The following SLC10A7 variants were observed in gnomAD, a reference collection of about 807,000 sequenced individuals.
SLC10A7 encodes the protein sodium/bile acid cotransporter 7.
Under a neutral mutation model 43.2 loss-of-function variants are expected in SLC10A7, and 29 were observed. The ratio of observed to expected loss-of-function variants is 0.67; its 90% confidence interval spans 0.50 to 0.92. SLC10A7 has a LOEUF of 0.92. Ranked by LOEUF, SLC10A7 falls within the 40% of genes least tolerant of loss-of-function variation. SLC10A7 has a pLI of 0.00. For synonymous variants in SLC10A7, 152 were observed against 144.8 expected, an observed-to-expected ratio of 1.05 and a Z score of -0.35; for missense variants, 295 against 403.2, an observed-to-expected ratio of 0.73 and a Z score of 2.30.
chr4:146,303,725 G>A (rs949687967), intron 7 of SLC10A7, among the ~76,000 whole-genome samples: 21 of 151,964 alleles, frequency 1.4e-4, no homozygotes, highest in African/African-American at 5.1e-4. Context: ...CTTGTTTCCT[G>A]TTTAGTATTT....
At chr4:146,297,374 T>C (rs1249254025) in intron 7 of SLC10A7, among the ~76,000 whole-genome samples, 1 of 152,182 alleles carries the variant, frequency 6.6e-6, no homozygotes, top group African/African-American at 2.4e-5. Flanking sequence ...GAGCCACATA[T>C]CAATTCCTGC....
chr4:146,323,646 T>C (rs947130168), intron 6 of SLC10A7, among the ~76,000 whole-genome samples: 5 of 152,136 alleles, frequency 3.3e-5, no homozygotes, highest in Non-Finnish European at 7.4e-5. Flanking sequence ...TATTTTGAAG[T>C]CAGGTAGCGT....
At chr4:146,270,151 A>G (rs1310649199) in intron 10 of SLC10A7, among the ~76,000 whole-genome samples, 1 of 152,176 alleles carries the variant, frequency 6.6e-6, no homozygotes. Context: ...TCTAACCTAG[A>G]TGATGTCCTG....
chr4:146,328,346 C>T (rs1446699653), intron 5 of SLC10A7, among the ~76,000 whole-genome samples: 1 of 152,156 alleles, frequency 6.6e-6, no homozygotes, highest in Non-Finnish European at 1.5e-5. Flanking sequence ...CTTGTGTGGA[C>T]TATTGGGAGG....
intron 5 of SLC10A7, among the ~76,000 whole-genome samples, chr4:146,362,050 AAATAAAAAAG>A (rs1414782048): frequency 6.6e-6 from 1 of 152,158 alleles, no homozygotes; most frequent in African/African-American, 2.4e-5. Flanking sequence ...AGAAAAGGAA[AAATAAAAAAG>A]AATAAAAAAG....
intron 5 of SLC10A7, among the ~76,000 whole-genome samples, chr4:146,391,367 A>C (rs1458412100): frequency 6.6e-6 from 1 of 152,208 alleles, no homozygotes; most frequent in African/African-American, 2.4e-5. Context: ...GAGCAGTCTG[A>C]ACTATGGGTT....
intron 5 of SLC10A7, among the ~76,000 whole-genome samples, chr4:146,422,069 A>G (rs184816989): frequency 6.6e-6 from 1 of 152,302 alleles, no homozygotes; most frequent in Admixed American, 6.5e-5. Flanking sequence ...AGCTGACTTC[A>G]ATGATATATG....
chr4:146,517,741 A>G (rs2150061080), intron 1 of SLC10A7, among the ~76,000 whole-genome samples: 1 of 152,312 alleles, frequency 6.6e-6, no homozygotes, highest in Middle Eastern at 3.4e-3. Context: ...TCATGGTATC[A>G]GCACTTATAT....
chr4:146,264,203 T>C (rs1453736568), intron 10 of SLC10A7, among the ~76,000 whole-genome samples: 1 of 152,240 alleles, frequency 6.6e-6, no homozygotes, highest in Non-Finnish European at 1.5e-5. Context: ...TTTTTCTATT[T>C]TAAATATGTT....
At chr4:146,451,252 A>G (rs956804662) in intron 4 of SLC10A7, among the ~76,000 whole-genome samples, 1 of 145,404 alleles carries the variant, frequency 6.9e-6, no homozygotes, top group Non-Finnish European at 1.5e-5. Flanking sequence ...AAAAAAAAAC[A>G]AAAAAAAACC....
In SLC10A7 at chr4:146,257,475, G is replaced by A. The variant is rs1727954328; in HGVS notation, c.994-955C>T. On this transcript the variant is annotated intron_variant, in intron 11 of 11. Coordinates refer to ENST00000335472, the MANE Select transcript of SLC10A7 (RefSeq NM_001029998.6). Reference sequence around the variant, plus strand: ...TCACCGTGTTGGGTAAAGATTTTGGGGGTCAAATAGCCCAGTGTTCAGGTC... The same window carrying A: ...TCACCGTGTTGGGTAAAGATTTTGGAGGTCAAATAGCCCAGTGTTCAGGTC... 2.0e-5 allele frequency among the ~76,000 whole-genome samples: 3 copies of A among 152,074 alleles called. No individual in the cohort carries two copies. The South Asian group carries it at 6.2e-4, about 31-fold the overall frequency.
chr4:146,305,904 C>T, intron 7 of SLC10A7, 22 bp downstream of exon 7: 1 of 1,567,004 alleles, frequency 6.4e-7, no homozygotes, highest in Admixed American at 1.9e-5. Context: ...AAGAAAAGAT[C>T]AGATAGAATT....
At chr4:146,433,859 T>C (rs984621978) in intron 5 of SLC10A7, among the ~76,000 whole-genome samples, 1 of 151,878 alleles carries the variant, frequency 6.6e-6, no homozygotes, top group African/African-American at 2.4e-5. Context: ...CTCAAAAAAA[T>C]AAAGATGATA....
At chr4:146,453,445 A>C (rs1187728785) in intron 4 of SLC10A7, among the ~76,000 whole-genome samples, 1 of 151,904 alleles carries the variant, frequency 6.6e-6, no homozygotes, top group East Asian at 1.9e-4. Context: ...GACTATTCTG[A>C]ATGACTTCTC....
chr4:146,375,676 T>C (rs181720292), intron 5 of SLC10A7, among the ~76,000 whole-genome samples: 1 of 152,312 alleles, frequency 6.6e-6, no homozygotes, highest in African/African-American at 2.4e-5. Flanking sequence ...CAACAGAATG[T>C]TGTAAAGGCT....
At chr4:146,312,941 G>A (rs114896766) in intron 6 of SLC10A7, among the ~76,000 whole-genome samples, 108 of 152,272 alleles carry the variant, frequency 7.1e-4, no homozygotes, top group African/African-American at 2.6e-3. Context: ...ATGAAGGGCT[G>A]GAGGCAGAGA....
intron 9 of SLC10A7, among the ~76,000 whole-genome samples, chr4:146,290,895 C>T (rs1012510812): frequency 9.2e-5 from 14 of 152,052 alleles, no homozygotes; most frequent in African/African-American, 3.1e-4. Context: ...CAAAACAAAA[C>T]AAAAACCCTG....
chr4:146,301,857 G>T (rs1307234441), intron 7 of SLC10A7, among the ~76,000 whole-genome samples: 1 of 151,636 alleles, frequency 6.6e-6, no homozygotes, highest in Non-Finnish European at 1.5e-5. Flanking sequence ...GTTTCTCCTC[G>T]AAAAGAGTCA....
At chr4:146,421,307 G>C (rs376894948) in intron 5 of SLC10A7, among the ~76,000 whole-genome samples, 1 of 152,118 alleles carries the variant, frequency 6.6e-6, no homozygotes, top group Admixed American at 6.5e-5. Context: ...GATTAAGAAA[G>C]TTTTTCCTTT....
Sources: gnomAD v4.1 joint callset for allele counts (sites outside exome capture counted in the v4.1 genomes callset) on GRCh38, gnomAD v4.1.1 for gene constraint, MANE v1.5 for transcripts, NCBI Gene and HGNC (gene_info 2026-07-23, HGNC 2026-07-21) for gene names.